The following KCNQ3 variants were observed in gnomAD, a reference collection of about 807,000 sequenced individuals.
The protein encoded by KCNQ3 is potassium voltage-gated channel subfamily KQT member 3.
Under a neutral mutation model 92.5 loss-of-function variants are expected in KCNQ3, and 30 were observed. The ratio of observed to expected loss-of-function variants is 0.32; its 90% CI spans 0.24 to 0.44. KCNQ3 has a LOEUF of 0.44. Among genes scored for constraint, KCNQ3 ranks in the 20% least tolerant of loss-of-function variants. The pLI is 1.00. For synonymous variants in KCNQ3, 450 were observed against 468.8 expected (o/e 0.96, Z 0.52); for missense variants, 913 against 1,140.3 (o/e 0.80, Z 2.87).
chr8:132,269,441 T>A (rs968716387), intron 1 of KCNQ3, among the ~76,000 whole-genome samples: 1 of 152,232 alleles, frequency 6.6e-6, no homozygotes, highest in Admixed American at 6.5e-5. Context: ...GGATCTCTGG[T>A]TGTTTCAGCA....
chr8:132,356,355 G>A (rs1819017391), intron 1 of KCNQ3, among the ~76,000 whole-genome samples: 1 of 152,208 alleles, frequency 6.6e-6, no homozygotes, highest in South Asian at 2.1e-4. Context: ...TAGCAGCAGT[G>A]TGACAGCTTT....
At chr8:132,188,508 G>T (rs1306862924) in intron 1 of KCNQ3, among the ~76,000 whole-genome samples, 1 of 152,144 alleles carries the variant, frequency 6.6e-6, no homozygotes, top group Non-Finnish European at 1.5e-5. Flanking sequence ...TCTGCATCAT[G>T]GTTTCCTTCT....
chr8:132,464,057 C>T (rs569111746), intron 1 of KCNQ3, among the ~76,000 whole-genome samples: 11 of 152,220 alleles, frequency 7.2e-5, no homozygotes, highest in African/African-American at 1.2e-4. Context: ...TGGTGGCGGG[C>T]GCCTGTAATC....
chr8:132,473,389 T>C lies in KCNQ3; in HGVS notation c.386+6758A>G, dbSNP rs1587053958. ...ATACTGCTGGAGGGATTCATTCTAC[T>C]CTGGCTGGGACGTTGACCAGATGAC... On this transcript the variant is annotated intron_variant, in intron 1 of 14. Coordinates refer to ENST00000388996, the MANE Select transcript of KCNQ3 (RefSeq NM_004519.4). Among the ~76,000 whole-genome samples the C allele has an allele frequency of 2.0e-5, 3 of 152,350 alleles. No individual in the cohort carries two copies. In the South Asian group the frequency reaches 6.2e-4, roughly 32 times the overall value.
At position 132,154,123 on chromosome 8, in the gene KCNQ3, G is replaced by A. The variant is rs115873312; in HGVS notation, c.1262+9345C>T. On this transcript the variant is annotated intron_variant, in intron 9 of 14. Coordinates refer to ENST00000388996, the MANE Select transcript of KCNQ3 (RefSeq NM_004519.4). ...GAAAAGTTAATGTCCCAAACCTTAA[G>A]CTGGTTGGCTTAGGACTAGGCTCAG... is the stretch of plus-strand genomic sequence containing the variant. Among the ~76,000 whole-genome samples, 1,235 of 150,052 alleles carry A rather than the reference G, an allele frequency of 8.2e-3. 16 individuals carry two copies. The highest frequency in any genetic ancestry group is 0.027 in the African/African-American group (1,121 of 40,914).
chr8:132,422,020 C>T (rs1820979081), intron 1 of KCNQ3, among the ~76,000 whole-genome samples: 1 of 152,096 alleles, frequency 6.6e-6, no homozygotes, highest in Non-Finnish European at 1.5e-5. Context: ...AAAGGTTATA[C>T]CCTCCACTCA....
intron 1 of KCNQ3, among the ~76,000 whole-genome samples, chr8:132,426,092 G>A (rs1038684667): frequency 6.6e-6 from 1 of 152,238 alleles, no homozygotes; most frequent in African/African-American, 2.4e-5. Context: ...CCTGCATGGC[G>A]GGTGGGAAAG....
chr8:132,141,000 C>T (rs976610474), intron 10 of KCNQ3, 129 bp downstream of exon 10: 3 of 839,724 alleles, frequency 3.6e-6, no homozygotes, highest in Non-Finnish European at 4.0e-6. Context: ...GTTGGCTTGT[C>T]GAGGGAAGGG....
chr8:132,420,650 A>G (rs990694748), intron 1 of KCNQ3, among the ~76,000 whole-genome samples: 8 of 152,258 alleles, frequency 5.3e-5, no homozygotes, highest in East Asian at 1.9e-4. Flanking sequence ...CTGGGAAAGC[A>G]TAAGTGTTTA....
chr8:132,320,809 G>A (rs1032298525), intron 1 of KCNQ3, among the ~76,000 whole-genome samples: 1 of 152,162 alleles, frequency 6.6e-6, no homozygotes, highest in Non-Finnish European at 1.5e-5. Flanking sequence ...AATGAATGCT[G>A]GTGCCTGATC....
intron 1 of KCNQ3, among the ~76,000 whole-genome samples, chr8:132,433,703 A>G (rs1460234901): frequency 6.6e-6 from 1 of 151,946 alleles, no homozygotes; most frequent in Non-Finnish European, 1.5e-5. Context: ...CAGCCTGGCC[A>G]ACATGGCAAA....
intron 1 of KCNQ3, among the ~76,000 whole-genome samples, chr8:132,373,328 C>A (rs1019958088): frequency 1.3e-5 from 2 of 152,084 alleles, no homozygotes; most frequent in Admixed American, 1.3e-4. Flanking sequence ...TAATAAAACA[C>A]CTAACACGCA....
At chr8:132,449,618 GCC>G (rs1821775875) in intron 1 of KCNQ3, among the ~76,000 whole-genome samples, 1 of 152,074 alleles carries the variant, frequency 6.6e-6, no homozygotes, top group South Asian at 2.1e-4. Context: ...CACACCATTG[GCC>G]CTGCCTGGGT....
chr8:132,135,856 C>T (rs564892095), intron 12 of KCNQ3, among the ~76,000 whole-genome samples: 1 of 152,122 alleles, frequency 6.6e-6, no homozygotes, highest in East Asian at 2.0e-4. Context: ...CTGCTGGGTG[C>T]AGTGGCTGAC....
At chr8:132,244,638 T>C (rs913366560) in intron 1 of KCNQ3, among the ~76,000 whole-genome samples, 34 of 152,298 alleles carry the variant, frequency 2.2e-4, no homozygotes, top group African/African-American at 7.7e-4. Context: ...AAATCTATGT[T>C]TGGGAAAATG....
At chr8:132,211,599 C>T (rs1813855609) in intron 1 of KCNQ3, among the ~76,000 whole-genome samples, 1 of 152,102 alleles carries the variant, frequency 6.6e-6, no homozygotes, top group African/African-American at 2.4e-5. Context: ...TAAAGAAAAT[C>T]TTTAATATGC....
intron 1 of KCNQ3, among the ~76,000 whole-genome samples, chr8:132,349,873 C>T (rs1818806976): frequency 6.6e-6 from 1 of 152,208 alleles, no homozygotes; most frequent in African/African-American, 2.4e-5. Context: ...TGTTACACAG[C>T]ATTTTTGTGA....
chr8:132,314,080 C>G (rs1173950385), intron 1 of KCNQ3, among the ~76,000 whole-genome samples: 1 of 152,128 alleles, frequency 6.6e-6, no homozygotes, highest in Admixed American at 6.5e-5. Context: ...AGCAAATCAA[C>G]TGAAAATTGA....
intron 1 of KCNQ3, among the ~76,000 whole-genome samples, chr8:132,370,168 C>T (rs956397397): frequency 3.2e-4 from 48 of 152,174 alleles, no homozygotes; most frequent in African/African-American, 1.1e-3. Flanking sequence ...AGGGCAGGGA[C>T]AATGACCACA....
Sources: gnomAD v4.1 joint callset for allele counts (sites outside exome capture counted in the v4.1 genomes callset) on GRCh38, gnomAD v4.1.1 for gene constraint, MANE v1.5 for transcripts, NCBI Gene and HGNC (gene_info 2026-07-23, HGNC 2026-07-21) for gene names.